GSAP: variants seen among roughly 807,000 people sequenced by gnomAD.
GSAP encodes gamma-secretase-activating protein.
A neutral mutation model predicts 131.7 loss-of-function variants in GSAP; 118 were observed. The observed-to-expected ratio is 0.90, with a 90% CI of 0.77 to 1.04. The LOEUF (loss-of-function observed/expected upper bound fraction) is 1.04, where lower values mean the gene tolerates loss of function less well. Among genes scored for constraint, GSAP ranks in the 50% least tolerant of loss-of-function variants. GSAP has a pLI of 0.00. For synonymous variants in GSAP, 381 were observed against 363.4 expected (o/e 1.05, Z -0.55); for missense variants, 1,019 against 1,013.2 (o/e 1.01, Z -0.08).
chr7:77,388,997 T>C (rs1271690750), intron 5 of GSAP, among the ~76,000 whole-genome samples: 1 of 152,152 alleles, frequency 6.6e-6, no homozygotes, highest in African/African-American at 2.4e-5. Context: ...ACCAAGGGTA[T>C]GGATGAGTTA....
intron 19 of GSAP, among the ~76,000 whole-genome samples, chr7:77,339,571 G>T (rs898243466): frequency 6.6e-6 from 1 of 152,162 alleles, no homozygotes; most frequent in African/African-American, 2.4e-5. Context: ...GAGCCCCCAA[G>T]CATGTGTGGA....
Position 77,312,139 on chromosome 7 carries a change from TCCGCG to T in GSAP, c.2330_2334del (p.Ser777Ter). 1 of 1,604,384 alleles carries T rather than the reference TCCGCG, an allele frequency of 6.2e-7. No homozygotes were observed. Among genetic ancestry groups the T allele is most frequent in the Non-Finnish European group, 8.5e-7 (1 of 1,175,948 alleles). ...TTCTGAAGCAGTCGCGTCACGTGGT[TCCGCG>T]AAATGATGTTAGAACTCATAGGATG... On this transcript the variant is annotated frameshift_variant, in exon 29 of 31. Transcript: ENST00000257626. LOFTEE classifies it high-confidence loss of function.
chr7:77,369,316 A>C (rs1189696717), intron 12 of GSAP, among the ~76,000 whole-genome samples: 3 of 152,206 alleles, frequency 2.0e-5, no homozygotes, highest in Non-Finnish European at 2.9e-5. Flanking sequence ...TTTTTATTAG[A>C]AAAATATATA....
intron 19 of GSAP, among the ~76,000 whole-genome samples, chr7:77,332,174 C>A (rs1488061915): frequency 1.3e-5 from 2 of 152,166 alleles, no homozygotes; most frequent in African/African-American, 2.4e-5. Context: ...TAACTGTCAT[C>A]TGGCCCCATC....
chr7:77,397,939 T>A (rs998879854), intron 3 of GSAP, among the ~76,000 whole-genome samples: 2 of 152,210 alleles, frequency 1.3e-5, no homozygotes, highest in South Asian at 2.1e-4. Context: ...GCATCTCCCA[T>A]AGGCCTTTCA....
intron 2 of GSAP, among the ~76,000 whole-genome samples, chr7:77,405,235 G>C (rs75529580): frequency 0.064 from 9,758 of 152,296 alleles, 413 homozygotes; most frequent in Non-Finnish European, 0.09. Context: ...ATGAGTTTGA[G>C]GCTGCAGTCA....
intron 13 of GSAP, 94 bp downstream of exon 13, chr7:77,362,489 A>T: frequency 1.4e-6 from 1 of 693,908 alleles, no homozygotes. Flanking sequence ...CCTGTCTCCA[A>T]AAAATTACTA....
chr7:77,339,555 C>T (rs1790567432), intron 19 of GSAP, among the ~76,000 whole-genome samples: 1 of 151,980 alleles, frequency 6.6e-6, no homozygotes, highest in South Asian at 2.1e-4. Context: ...ACATGTGGAG[C>T]CAAAAGAGCC....
At chr7:77,399,436 T>A (rs544408150) in intron 3 of GSAP, among the ~76,000 whole-genome samples, 2 of 152,202 alleles carry the variant, frequency 1.3e-5, no homozygotes, top group East Asian at 3.9e-4. Flanking sequence ...CCAAACCCAG[T>A]GGAAAAGAGA....
intron 12 of GSAP, among the ~76,000 whole-genome samples, chr7:77,365,007 C>G (rs1795074607): frequency 6.6e-6 from 1 of 152,216 alleles, no homozygotes; most frequent in South Asian, 2.1e-4. Context: ...GTTGCCCAGG[C>G]TGGAGTGCAG....
chr7:77,317,834 G>A (rs1273579383), intron 26 of GSAP, among the ~76,000 whole-genome samples: 1 of 152,168 alleles, frequency 6.6e-6, no homozygotes, highest in Admixed American at 6.5e-5. Context: ...AGCCACAAAG[G>A]TAGTTTTCCT....
In GSAP at chr7:77,398,806, T is replaced by C. The variant is rs527256704; in HGVS notation, c.244-1391A>G. Among the ~76,000 whole-genome samples, 31 of 152,288 alleles carry C rather than the reference T, an allele frequency of 2.0e-4. No individual in the cohort carries two copies. In the South Asian group the frequency reaches 6.4e-3, roughly 32 times the overall value. The stretch of plus-strand genomic sequence containing the variant: ...GGTCAAAAGAAATGACAGTCTTTTA[T>C]ACTCAGCCAATCCCAACTCTCTTCC... On this transcript the variant is annotated intron_variant, in intron 3 of 30. Transcript: ENST00000257626.
intron 5 of GSAP, among the ~76,000 whole-genome samples, chr7:77,393,169 T>G (rs1454209998): frequency 1.3e-5 from 2 of 152,202 alleles, no homozygotes; most frequent in African/African-American, 2.4e-5. Context: ...AATCTTATTT[T>G]AAGCAACAGT....
chr7:77,330,465 G>T, intron 19 of GSAP, 98 bp from the exon 20 acceptor site: 7 of 1,483,332 alleles, frequency 4.7e-6, no homozygotes, highest in Non-Finnish European at 6.3e-6. Context: ...GAGCTCTCAG[G>T]GTCCACATTT....
chr7:77,354,985 T>C (rs1793438458), intron 16 of GSAP, among the ~76,000 whole-genome samples: 2 of 152,298 alleles, frequency 1.3e-5, no homozygotes, highest in South Asian at 4.1e-4. Flanking sequence ...TAAACTTTTA[T>C]TCCCAATATG....
intron 12 of GSAP, among the ~76,000 whole-genome samples, chr7:77,371,274 C>A (rs377448551): frequency 3.3e-5 from 5 of 152,146 alleles, no homozygotes; most frequent in African/African-American, 9.7e-5. Flanking sequence ...AGCAAATTAT[C>A]TTAATTTCAT....
At chr7:77,398,361 T>C (rs1225294520) in intron 3 of GSAP, among the ~76,000 whole-genome samples, 1 of 152,160 alleles carries the variant, frequency 6.6e-6, no homozygotes, top group Non-Finnish European at 1.5e-5. Context: ...AGATACTGAA[T>C]TCATGTGAGA....
chr7:77,412,660 A>C (rs1167364385), intron 1 of GSAP, among the ~76,000 whole-genome samples: 1 of 152,082 alleles, frequency 6.6e-6, no homozygotes, highest in African/African-American at 2.4e-5. Flanking sequence ...AAAAAATAGG[A>C]AAGTGGACAA....
intron 24 of GSAP, among the ~76,000 whole-genome samples, 177 bp from the exon 25 acceptor site, chr7:77,321,580 C>T (rs1317153109): frequency 6.6e-6 from 1 of 152,190 alleles, no homozygotes; most frequent in African/African-American, 2.4e-5. Context: ...AATAGAAAGA[C>T]TGAAAATGTG....
Sources: gnomAD v4.1 joint callset for allele counts (sites outside exome capture counted in the v4.1 genomes callset) on GRCh38, gnomAD v4.1.1 for gene constraint, MANE v1.5 for transcripts, NCBI Gene and HGNC (gene_info 2026-07-23, HGNC 2026-07-21) for gene names.